DST: variants seen among roughly 807,000 people sequenced by gnomAD.
DST encodes the protein bullous pemphigoid antigen.
DST carries 253 observed loss-of-function variants against 875.2 expected under a neutral mutation model. That is an observed-to-expected ratio of 0.29 (90% CI 0.26 to 0.32). The LOEUF (loss-of-function observed/expected upper bound fraction) is 0.32. DST is among the 10% of genes least tolerant of loss of function. The pLI is 1.00. For missense variants in DST, 8,287 were observed against 9,111.6 expected, an observed-to-expected ratio of 0.91 and a Z score of 3.68; for synonymous variants, 3,124 against 3,197.1, an observed-to-expected ratio of 0.98 and a Z score of 0.77.
chr6:56,889,166 T>C (rs948704524), intron 3 of DST, among the ~76,000 whole-genome samples: 2 of 152,212 alleles, frequency 1.3e-5, no homozygotes, highest in African/African-American at 4.8e-5. Flanking sequence ...ATCAAATTCA[T>C]TTTCGGAGTC....
chr6:56,692,741 C>T, intron 9 of DST: 1 of 1,289,694 alleles, frequency 7.8e-7, no homozygotes. Flanking sequence ...AGTTCACTAA[C>T]TTTTACTTCT....
chr6:56,618,487 C>T (rs754159961), intron 36 of DST: 1 of 1,614,146 alleles, frequency 6.2e-7, no homozygotes, highest in Non-Finnish European at 8.5e-7. Context: ...TCTGTTGGTC[C>T]ATTTTTTGCT....
chr6:56,951,851 A>G (rs2127820835), intron 2 of DST, among the ~76,000 whole-genome samples: 1 of 152,370 alleles, frequency 6.6e-6, no homozygotes, highest in Admixed American at 6.5e-5. Context: ...AGATCCAGTA[A>G]GAGTTGAGAT....
Position 56,552,292 on chromosome 6 carries a change from T to C in DST, c.16500A>G (p.Lys5500=). ...GGAGCAGAATAGAAAATTCTTTCAATTTGCTGTAAAATTCTTCAAGGCGCT... is the reference window on the plus strand; with the variant it reads ...GGAGCAGAATAGAAAATTCTTTCAACTTGCTGTAAAATTCTTCAAGGCGCT... ...TIKRLEEFYS[K]LKEFSILLQK... Residue 5500 remains lysine (K), a synonymous_variant, in exon 61 of 104, where the codon AAA becomes AAG. Transcript: ENST00000680361. The C allele has an allele frequency of 1.9e-6, 3 of 1,614,034 alleles. No individual in the cohort carries two copies. The highest frequency in any genetic ancestry group is 2.5e-6 in the Non-Finnish European group (3 of 1,179,892).
intron 50 of DST, among the ~76,000 whole-genome samples, chr6:56,578,203 T>A (rs939808739): frequency 2.0e-5 from 3 of 150,138 alleles, no homozygotes; most frequent in Non-Finnish European, 2.9e-5. Context: ...AGACCCCATC[T>A]CTACAAAAAA....
intron 15 of DST, among the ~76,000 whole-genome samples, chr6:56,643,672 A>C (rs2098926093): frequency 6.6e-6 from 1 of 152,224 alleles, no homozygotes; most frequent in Non-Finnish European, 1.5e-5. Flanking sequence ...CCAGCCTCCT[A>C]AATATTTTCC....
rs2098481466 is a variant in DST, at chr6:56,604,972, T to C, written c.9656A>G (p.Gln3219Arg). The C allele has an allele frequency of 1.2e-6, 2 of 1,612,740 alleles. No individual in the cohort carries two copies. Among genetic ancestry groups the C allele is most frequent in the African/African-American group, 1.3e-5 (1 of 74,842 alleles). ...ITAPPMKEHLQLGVNNTKEKS... is the reference protein window; with the variant it reads ...ITAPPMKEHLRLGVNNTKEKS... ...CTCTTTTGTATTATTAACTCCTAAT[T>C]GTAAATGTTCTTTCATGGGAGGGGC... is the stretch of plus-strand genomic sequence containing the variant. Residue 3219 changes from glutamine (Q) to arginine (R), a missense_variant, in exon 40 of 104, where the codon CAA becomes CGA. Around this residue, in one of 10 missense-constraint regions of DST, gnomAD observed 3,138 missense variants for 3,116.6 expected, o/e 1.01. Coordinates refer to ENST00000680361, the MANE Select transcript of DST (RefSeq NM_001374736.1).
At chr6:56,563,503 G>A (rs1310322219) in intron 55 of DST, among the ~76,000 whole-genome samples, 3 of 152,054 alleles carry the variant, frequency 2.0e-5, no homozygotes, top group African/African-American at 4.8e-5. Context: ...AGGTGGATAG[G>A]TTGCAAAATT....
At chr6:56,902,627 C>G (rs915683336) in intron 2 of DST, among the ~76,000 whole-genome samples, 3 of 152,238 alleles carry the variant, frequency 2.0e-5, no homozygotes, top group Non-Finnish European at 2.9e-5. Flanking sequence ...TGTTTGGGCT[C>G]TCCTAATCCA....
At chr6:56,599,032 C>T (rs2098418708) in intron 45 of DST, among the ~76,000 whole-genome samples, 1 of 152,018 alleles carries the variant, frequency 6.6e-6, no homozygotes, top group African/African-American at 2.4e-5. Flanking sequence ...AGCACATGTA[C>T]AAAGGCTTGT....
intron 90 of DST, among the ~76,000 whole-genome samples, chr6:56,480,725 C>T (rs2095373234): frequency 6.6e-6 from 1 of 151,996 alleles, no homozygotes; most frequent in Non-Finnish European, 1.5e-5. Flanking sequence ...AAACCACTAC[C>T]CCTGCTCTGG....
intron 4 of DST, among the ~76,000 whole-genome samples, chr6:56,809,997 C>T (rs1022745924): frequency 7.9e-5 from 12 of 152,178 alleles, no homozygotes; most frequent in Admixed American, 2.0e-4. Flanking sequence ...ACAACCCGTA[C>T]TTTCAGTAAA....
At chr6:56,845,722 G>A (rs2099806551) in intron 4 of DST, among the ~76,000 whole-genome samples, 1 of 152,158 alleles carries the variant, frequency 6.6e-6, no homozygotes, top group African/African-American at 2.4e-5. Context: ...CAATGAGTAA[G>A]GTCATTGAAG....
chr6:56,676,354 C>A (rs1013918583), intron 9 of DST, among the ~76,000 whole-genome samples: 9 of 152,204 alleles, frequency 5.9e-5, no homozygotes, highest in Non-Finnish European at 1.5e-5. Flanking sequence ...AGGCGTGAGC[C>A]ACTGCACCCA....
At chr6:56,621,550 G>C (rs576123363) in intron 36 of DST, among the ~76,000 whole-genome samples, 20 of 152,150 alleles carry the variant, frequency 1.3e-4, no homozygotes, top group Non-Finnish European at 1.5e-5. Context: ...TATTTGTTAA[G>C]TATAATAGCT....
intron 69 of DST, among the ~76,000 whole-genome samples, chr6:56,517,936 C>A (rs745803046): frequency 6.6e-6 from 1 of 152,116 alleles, no homozygotes; most frequent in African/African-American, 2.4e-5. Flanking sequence ...CCAAATCTAA[C>A]AGTTATGAAA....
chr6:56,915,580 T>C (rs1800535454), intron 2 of DST, among the ~76,000 whole-genome samples: 2 of 150,548 alleles, frequency 1.3e-5, no homozygotes, highest in South Asian at 4.2e-4. Flanking sequence ...GAAAAAAAGG[T>C]AAGAAACAAG....
rs901364111 is a variant in DST, at chr6:56,463,632, G to A, written c.22892C>T (p.Ser7631Phe). The change falls in exon 101 of 104, where the codon TCC (serine) becomes TTC (phenylalanine). Residue 7631 changes from serine (S) to phenylalanine (F), a missense_variant. By Grantham distance (155) the Ser-to-Phe change is radical. This residue lies in a region of DST where 240 missense variants were observed against 237.3 expected (regional missense o/e 1.01). Transcript: ENST00000680361. ...CGCAGCCTGACTGGACACAGAAGTG[G>A]ATCTGTTGGGTGAAGCGCCTCGTGA... ...PSSRGASPNR[S>F]TSVSSQAAQA... The A allele has an allele frequency of 6.2e-7, 1 of 1,613,768 alleles. No homozygotes were observed. Among genetic ancestry groups the A allele is most frequent in the Non-Finnish European group, 8.5e-7 (1 of 1,179,752 alleles).
chr6:56,727,702 T>A (rs925392392), intron 5 of DST, among the ~76,000 whole-genome samples: 2 of 152,206 alleles, frequency 1.3e-5, no homozygotes, highest in Non-Finnish European at 2.9e-5. Flanking sequence ...ATAGAGTATA[T>A]GAGGGAATGC....
Sources: allele counts gnomAD v4.1 joint callset (sites outside exome capture counted in the v4.1 genomes callset), GRCh38; gene constraint gnomAD v4.1.1; regional missense constraint gnomAD v4.1.1; transcripts MANE v1.5; gene names NCBI Gene and HGNC (gene_info 2026-07-23, HGNC 2026-07-21).